EPCIP: variants seen among roughly 807,000 people sequenced by gnomAD.
EPCIP encodes exosomal polycystin-1-interacting protein.
At chr21:32,801,299 G>A in the EPCIP span, among the ~76,000 whole-genome samples, 1 of 152,174 alleles carries the variant, frequency 6.6e-6, no homozygotes, top group Admixed American at 6.5e-5. Context: ...CAATACAGCA[G>A]GTGCTAATAT....
the EPCIP span, among the ~76,000 whole-genome samples, chr21:32,812,663 C>A: frequency 6.6e-6 from 1 of 151,528 alleles, no homozygotes; most frequent in Non-Finnish European, 1.5e-5. Context: ...TGGCTCTTTT[C>A]GGTAAAAAAT....
chr21:32,792,983 GAC>G, the EPCIP span, among the ~76,000 whole-genome samples: 1 of 150,300 alleles, frequency 6.7e-6, no homozygotes, highest in Non-Finnish European at 1.5e-5. Context: ...TGTGATCTCT[GAC>G]TCTGTCACCC....
At chr21:32,804,123 A>T in the EPCIP span, among the ~76,000 whole-genome samples, 12 of 152,244 alleles carry the variant, frequency 7.9e-5, no homozygotes, top group East Asian at 2.1e-3. Context: ...TTGAGAGGAC[A>T]CACTTTAAAA....
At chr21:32,801,292 T>C in the EPCIP span, among the ~76,000 whole-genome samples, 1 of 152,230 alleles carries the variant, frequency 6.6e-6, no homozygotes, top group Non-Finnish European at 1.5e-5. Flanking sequence ...CTGGGTACAA[T>C]ACAGCAGGTG....
the EPCIP span, among the ~76,000 whole-genome samples, chr21:32,811,931 A>T: frequency 6.6e-6 from 1 of 152,120 alleles, no homozygotes; most frequent in African/African-American, 2.4e-5. Context: ...TTGCCCTTTC[A>T]CCTTCCACCA....
chr21:32,799,348 C>T, the EPCIP span, among the ~76,000 whole-genome samples: 1 of 152,176 alleles, frequency 6.6e-6, no homozygotes, highest in Non-Finnish European at 1.5e-5. Flanking sequence ...CAAATTGGCT[C>T]CTTTACTGGA....
chr21:32,804,972 C>T, the EPCIP span, among the ~76,000 whole-genome samples: 1 of 152,178 alleles, frequency 6.6e-6, no homozygotes, highest in South Asian at 2.1e-4. Flanking sequence ...CTAAAGGTGC[C>T]TGTGTCCTAA....
chr21:32,798,879 C>G, the EPCIP span: 2 of 151,912 alleles, frequency 1.3e-5, no homozygotes, highest in Admixed American at 1.3e-4. Context: ...AGGAGAATCA[C>G]TTGAACCTGG....
the EPCIP span, chr21:32,813,608 G>A: frequency 7.0e-5 from 33 of 471,150 alleles, no homozygotes; most frequent in African/African-American, 2.4e-4. Context: ...GAGTTCCACC[G>A]TGAGGCCTCG....
the EPCIP span, chr21:32,793,683 C>T: frequency 7.5e-7 from 1 of 1,339,132 alleles, no homozygotes; most frequent in Admixed American, 1.7e-5. Flanking sequence ...ATACCTATCT[C>T]ACGGCCTTAT....
chr21:32,812,955 GAA>G, the EPCIP span, among the ~76,000 whole-genome samples: 1 of 152,012 alleles, frequency 6.6e-6, no homozygotes, highest in Non-Finnish European at 1.5e-5. Flanking sequence ...TTAAAAACAC[GAA>G]CTATCCAATC....
the EPCIP span, among the ~76,000 whole-genome samples, chr21:32,792,040 G>T: frequency 6.6e-6 from 1 of 151,984 alleles, no homozygotes; most frequent in Non-Finnish European, 1.5e-5. Context: ...GAGTAGCTGG[G>T]ATTACAGGCA....
the EPCIP span, chr21:32,793,603 A>T: frequency 2.2e-5 from 16 of 726,982 alleles, no homozygotes; most frequent in South Asian, 1.1e-4. Flanking sequence ...CAGAACAGAG[A>T]GCTGGTTATT....
the EPCIP span, chr21:32,813,683 A>G: frequency 2.1e-6 from 1 of 471,088 alleles, no homozygotes; most frequent in Non-Finnish European, 4.4e-6. Flanking sequence ...AGCTGGTTTA[A>G]TCTGCAAGCC....
the EPCIP span, among the ~76,000 whole-genome samples, chr21:32,800,056 G>A: frequency 6.6e-6 from 1 of 152,196 alleles, no homozygotes; most frequent in Non-Finnish European, 1.5e-5. Flanking sequence ...AATGTCACTT[G>A]ATTTTTCCAC....
the EPCIP span, among the ~76,000 whole-genome samples, chr21:32,812,681 C>A: frequency 1.3e-5 from 2 of 151,400 alleles, no homozygotes; most frequent in Non-Finnish European, 2.9e-5. Context: ...AATTTTCAAA[C>A]AAATGAAGTC....
chr21:32,812,124 G>A, the EPCIP span, among the ~76,000 whole-genome samples: 1 of 152,232 alleles, frequency 6.6e-6, no homozygotes, highest in Non-Finnish European at 1.5e-5. Context: ...AATTCTCAGA[G>A]AGTGAGCCAC....
chr21:32,794,260 G>C, the EPCIP span: 1 of 1,614,248 alleles, frequency 6.2e-7, no homozygotes, highest in Non-Finnish European at 8.5e-7. Context: ...TGGCCAAACT[G>C]TAGTCACAAT....
the EPCIP span, chr21:32,793,668 T>A: frequency 9.0e-7 from 1 of 1,116,908 alleles, no homozygotes; most frequent in South Asian, 1.3e-5. Context: ...CAGTTGTGGG[T>A]AGGGATACCT....
Sources: allele counts gnomAD v4.1 joint callset (sites outside exome capture counted in the v4.1 genomes callset), GRCh38; gene constraint gnomAD v4.1.1; transcripts MANE v1.5; gene names NCBI Gene and HGNC (gene_info 2026-07-23, HGNC 2026-07-21).